MYRFL: variants seen among roughly 807,000 people sequenced by gnomAD.
MYRFL encodes myelin regulatory factor-like protein.
In MYRFL, 88 loss-of-function variants were observed where a neutral mutation model predicts 109.4. The observed-to-expected ratio is 0.80, with a 90% CI of 0.68 to 0.96. The LOEUF is 0.96. Ranked by LOEUF, MYRFL falls within the 40% of genes least tolerant of loss-of-function variation. The pLI, the probability that MYRFL is intolerant of heterozygous loss-of-function variation, is 0.00. For missense variants in MYRFL, 957 were observed against 954.9 expected, an observed-to-expected ratio of 1.00 and a Z score of -0.03; for synonymous variants, 324 against 320.9, an observed-to-expected ratio of 1.01 and a Z score of -0.10.
At chr12:69,895,728 A>C (rs2136341571) in intron 9 of MYRFL, among the ~76,000 whole-genome samples, 1 of 152,054 alleles carries the variant, frequency 6.6e-6, no homozygotes, top group East Asian at 1.9e-4. Flanking sequence ...GCCTGGCTCG[A>C]TTGCCTCCAT....
At chr12:69,948,803 G>T (rs1418920584) in intron 19 of MYRFL, among the ~76,000 whole-genome samples, 2 of 152,148 alleles carry the variant, frequency 1.3e-5, no homozygotes, top group Non-Finnish European at 2.9e-5. Flanking sequence ...AACTTGCCCT[G>T]CCTTCCAGTT....
chr12:69,873,752 G>C (rs1363662111), intron 2 of MYRFL, among the ~76,000 whole-genome samples: 1 of 152,092 alleles, frequency 6.6e-6, no homozygotes, highest in African/African-American at 2.4e-5. Flanking sequence ...GACCAAGGTT[G>C]ATTGTGGGTA....
At chr12:69,835,986 G>C (rs1013992967) in intron 1 of MYRFL, among the ~76,000 whole-genome samples, 3 of 152,176 alleles carry the variant, frequency 2.0e-5, no homozygotes, top group African/African-American at 4.8e-5. Context: ...AGGACAAGAG[G>C]GCTTTCTTTA....
At chr12:69,927,874 C>A in intron 15 of MYRFL, 126 bp downstream of exon 15, 1 of 813,178 alleles carries the variant, frequency 1.2e-6, no homozygotes, top group Non-Finnish European at 1.9e-6. Flanking sequence ...TCCTTATGTA[C>A]TATATGTGTT....
chr12:69,861,827 C>T (rs866262650), intron 2 of MYRFL, among the ~76,000 whole-genome samples: 144 of 150,778 alleles, frequency 9.6e-4, no homozygotes, highest in African/African-American at 3.3e-3. Flanking sequence ...CTTGCCCATG[C>T]CTATGTCCTG....
At chr12:69,936,077 T>TG (rs772258586) in intron 16 of MYRFL, 36 bp from the exon 17 acceptor site, 1 of 1,366,078 alleles carries the variant, frequency 7.3e-7, no homozygotes, top group Non-Finnish European at 9.5e-7. Context: ...TGCCACATAA[T>TG]GTTTTTTTTT....
At chr12:69,894,688 CT>C (rs1205372466) in intron 8 of MYRFL, among the ~76,000 whole-genome samples, 1 of 152,218 alleles carries the variant, frequency 6.6e-6, no homozygotes, top group Non-Finnish European at 1.5e-5. Flanking sequence ...GCAGTCCAAG[CT>C]AGAGTCCTCT....
intron 1 of MYRFL, among the ~76,000 whole-genome samples, chr12:69,835,749 G>A (rs1882897478): frequency 6.6e-6 from 1 of 152,104 alleles, no homozygotes; most frequent in African/African-American, 2.4e-5. Flanking sequence ...CCCCTCACAG[G>A]GTGTGTGACA....
At chr12:69,954,531 G>T (rs1163289903) in intron 21 of MYRFL, among the ~76,000 whole-genome samples, 1 of 152,202 alleles carries the variant, frequency 6.6e-6, no homozygotes. Flanking sequence ...GTTTCGTTTT[G>T]TTGTAATATA....
chr12:69,934,699 T>C (rs1045558095), intron 16 of MYRFL, among the ~76,000 whole-genome samples: 4 of 152,200 alleles, frequency 2.6e-5, no homozygotes, highest in African/African-American at 9.7e-5. Flanking sequence ...AGGTCGTCTT[T>C]CCTGAAGTCA....
At chr12:69,923,333 T>C (rs1592839043) in intron 13 of MYRFL, among the ~76,000 whole-genome samples, 1 of 152,322 alleles carries the variant, frequency 6.6e-6, no homozygotes, top group East Asian at 1.9e-4. Context: ...GGGAATGGTA[T>C]TTAGAGACTA....
At chr12:69,881,813 G>A (rs1233829911) in intron 5 of MYRFL, among the ~76,000 whole-genome samples, 2 of 152,154 alleles carry the variant, frequency 1.3e-5, no homozygotes, top group Non-Finnish European at 2.9e-5. Context: ...GGATAAGTTA[G>A]AGCTTTCCAT....
intron 15 of MYRFL, among the ~76,000 whole-genome samples, chr12:69,929,728 A>G (rs955305798): frequency 2.0e-5 from 3 of 152,206 alleles, no homozygotes; most frequent in Admixed American, 6.5e-5. Flanking sequence ...TCTGGAGCCA[A>G]TTTTTGTGGG....
At chr12:69,835,085 G>A (rs1165484294) in intron 1 of MYRFL, among the ~76,000 whole-genome samples, 1 of 152,178 alleles carries the variant, frequency 6.6e-6, no homozygotes, top group East Asian at 1.9e-4. Context: ...ATTTTAAGGA[G>A]ATAACTTTTT....
chr12:69,855,752 T>C (rs1884237794), intron 2 of MYRFL, among the ~76,000 whole-genome samples: 1 of 152,190 alleles, frequency 6.6e-6, no homozygotes, highest in African/African-American at 2.4e-5. Context: ...TAGTGATGAT[T>C]CATTTGTTGT....
rs1029773928 is a variant in MYRFL, at chr12:69,888,357, C to T, written c.707+1387C>T. ...TTATATCAATGAGACAGAAAAACAC[C>T]CATCTTTTCTTATATAGTTAGGTCT... On this transcript the variant is annotated intron_variant, in intron 6 of 24. Transcript: ENST00000552032. Among the ~76,000 whole-genome samples, 29 of 152,128 alleles carry T rather than the reference C, an allele frequency of 1.9e-4. 1 individual carries two copies. Among genetic ancestry groups the T allele is most frequent in the Admixed American group, 1.9e-3 (29 of 15,266 alleles).
chr12:69,932,496 A>T lies in MYRFL; in HGVS notation c.1831-17A>T. On this transcript the variant is annotated splice_polypyrimidine_tract_variant and intron_variant, in intron 15 of 24. Coordinates refer to ENST00000552032, the MANE Select transcript of MYRFL (RefSeq NM_182530.3). ...AGTTGCTAATTTATCACTGCTCATT[A>T]CTGAACCTTTTTATAGGTTTATTTT... is the stretch of plus-strand genomic sequence containing the variant. 1.3e-6 allele frequency: 2 copies of T among 1,518,872 alleles called. No homozygotes were observed. Among genetic ancestry groups the T allele is most frequent in the Non-Finnish European group, 1.8e-6 (2 of 1,131,200 alleles). The allele number at this position is 1,518,872 out of a possible 1,614,324, so 94.1% of individuals were successfully genotyped here. A position where few individuals can be genotyped will look rare whatever the true frequency, so the allele number is the denominator to read the frequency against.
intron 10 of MYRFL, among the ~76,000 whole-genome samples, chr12:69,902,013 C>T (rs930009232): frequency 2.0e-5 from 3 of 151,978 alleles, no homozygotes; most frequent in Admixed American, 2.0e-4. Flanking sequence ...CCTGACTCAG[C>T]CTCCTGAGTA....
At position 69,848,941 on chromosome 12, in the gene MYRFL, G is replaced by T. The variant is rs148153858; in HGVS notation, c.47-6339G>T. On this transcript the variant is annotated intron_variant, in intron 1 of 24. Coordinates refer to ENST00000552032, the MANE Select transcript of MYRFL (RefSeq NM_182530.3). Reference sequence around the variant, plus strand: ...GGCTGGAGTGCAGTGCTGTGATCTCGGCTCACTGCAACCTCTACCTCCCGG... The same window carrying T: ...GGCTGGAGTGCAGTGCTGTGATCTCTGCTCACTGCAACCTCTACCTCCCGG... 2.1e-4 allele frequency among the ~76,000 whole-genome samples: 32 copies of T among 152,210 alleles called. No individual in the cohort carries two copies. The East Asian group carries it at 5.6e-3, about 27-fold the overall frequency.
Sources: gnomAD v4.1 joint callset for allele counts (sites outside exome capture counted in the v4.1 genomes callset) on GRCh38, gnomAD v4.1.1 for gene constraint, MANE v1.5 for transcripts, NCBI Gene and HGNC (gene_info 2026-07-23, HGNC 2026-07-21) for gene names.